TET2: variants seen among roughly 807,000 people sequenced by gnomAD.
TET2 encodes the protein methylcytosine dioxygenase TET2.
A neutral mutation model predicts 142.9 loss-of-function variants in TET2; 299 were observed. The ratio of observed to expected loss-of-function variants is 2.09; its 90% confidence interval spans 1.90 to 2.30. The LOEUF is 2.30. TET2 is among the 30% of genes most tolerant of loss of function. The pLI, the probability that TET2 is intolerant of heterozygous loss-of-function variation, is 0.00. For synonymous variants in TET2, 819 were observed against 849.0 expected, an observed-to-expected ratio of 0.96 and a Z score of 0.61; for missense variants, 2,418 against 2,378.0, an observed-to-expected ratio of 1.02 and a Z score of -0.35.
intron 8 of TET2, among the ~76,000 whole-genome samples, chr4:105,266,811 CAG>C (rs1730701212): frequency 2.0e-5 from 3 of 151,620 alleles, no homozygotes; most frequent in Admixed American, 6.6e-5. Flanking sequence ...AGGTGGGAGA[CAG>C]AAAAATATTT....
At chr4:105,255,288 A>ATT (rs2110276904) in intron 6 of TET2, among the ~76,000 whole-genome samples, 1 of 152,254 alleles carries the variant, frequency 6.6e-6, no homozygotes, top group South Asian at 2.1e-4. Flanking sequence ...ATAGGAGTAT[A>ATT]TTTTTACCTA....
intron 1 of TET2, among the ~76,000 whole-genome samples, chr4:105,189,200 TA>T (rs1331894730): frequency 6.6e-6 from 1 of 150,680 alleles, no homozygotes; most frequent in East Asian, 1.9e-4. Flanking sequence ...ATAATGATGA[TA>T]ATGATAATAA....
At chr4:105,221,987 A>G (rs947600008) in intron 2 of TET2, among the ~76,000 whole-genome samples, 59 of 147,270 alleles carry the variant, frequency 4.0e-4, no homozygotes, top group Non-Finnish European at 8.0e-4. Context: ...TTCTTGTGAT[A>G]GTTTACTGAG....
chr4:105,159,253 T>TTC (rs1476261586), intron 1 of TET2, among the ~76,000 whole-genome samples: 1 of 144,122 alleles, frequency 6.9e-6, no homozygotes, highest in Non-Finnish European at 1.5e-5. Flanking sequence ...CTTTCTTTCT[T>TTC]TTTTTTTTTT....
intron 1 of TET2, among the ~76,000 whole-genome samples, chr4:105,159,065 A>G (rs1723704929): frequency 6.6e-6 from 1 of 151,948 alleles, no homozygotes; most frequent in Non-Finnish European, 1.5e-5. Flanking sequence ...GTAAGCTTTG[A>G]GTGTCTGTGG....
chr4:105,279,379 C>T lies in TET2; in HGVS notation c.*2860C>T, dbSNP rs757169324. The T allele has an allele frequency of 9.9e-5, 23 of 231,878 alleles. No individual in the cohort carries two copies. The highest frequency in any genetic ancestry group is 1.7e-4 in the Non-Finnish European group (20 of 117,486). 14.4% of individuals were successfully genotyped at this position (231,878 alleles called of 1,614,324 possible). On this transcript the variant is annotated 3_prime_UTR_variant, in exon 11 of 11. Transcript: ENST00000380013. The stretch of plus-strand genomic sequence containing the variant: ...CTATAATTGTAAATATAAAACCTGC[C>T]TCAGTTAGAATGAATGGAAAGCAGA...
At chr4:105,211,991 C>T (rs777504913) in intron 2 of TET2, among the ~76,000 whole-genome samples, 2 of 152,176 alleles carry the variant, frequency 1.3e-5, no homozygotes, top group Non-Finnish European at 2.9e-5. Context: ...CTCATATTCA[C>T]CCTGCATATA....
At chr4:105,186,220 A>G (rs75649392) in intron 1 of TET2, among the ~76,000 whole-genome samples, 1 of 152,168 alleles carries the variant, frequency 6.6e-6, no homozygotes, top group Non-Finnish European at 1.5e-5. Context: ...ACAGAGCAAG[A>G]CCCTGTCTCA....
At chr4:105,218,107 A>AT (rs1408622635) in intron 2 of TET2, among the ~76,000 whole-genome samples, 5 of 152,056 alleles carry the variant, frequency 3.3e-5, no homozygotes, top group African/African-American at 1.2e-4. Flanking sequence ...TCAAAATATT[A>AT]TTTATGTCCA....
In TET2 at chr4:105,278,053, T is replaced by C; in HGVS notation, c.*1534T>C. The C allele has an allele frequency of 4.8e-6, 1 of 206,952 alleles. No homozygotes were observed. Among genetic ancestry groups the C allele is most frequent in the Non-Finnish European group, 9.8e-6 (1 of 101,584 alleles). 12.8% of individuals were successfully genotyped at this position (206,952 alleles called of 1,614,324 possible). The stretch of plus-strand genomic sequence containing the variant: ...CAGGCAGCTGGTTTGCTGTGGTGGT[T>C]TTAAATCATTAATTTGTATAAAGAA... On this transcript the variant is annotated 3_prime_UTR_variant, in exon 11 of 11. Transcript: ENST00000380013.
intron 1 of TET2, chr4:105,178,100 A>C (rs1270037644): frequency 6.6e-6 from 1 of 152,068 alleles, no homozygotes; most frequent in African/African-American, 2.4e-5. Context: ...AAAAAAAAGC[A>C]AAAACAAAAA....
chr4:105,193,000 C>T (rs190557818), intron 2 of TET2, among the ~76,000 whole-genome samples: 1 of 152,220 alleles, frequency 6.6e-6, no homozygotes, highest in East Asian at 1.9e-4. Flanking sequence ...AGGTTTTATG[C>T]AGAGTGATTT....
intron 9 of TET2, among the ~76,000 whole-genome samples, chr4:105,270,276 G>A (rs1440159732): frequency 2.6e-5 from 4 of 152,194 alleles, no homozygotes; most frequent in Non-Finnish European, 5.9e-5. Context: ...GGCATAACTA[G>A]CACTCTCATG....
chr4:105,185,119 G>A (rs555180380), intron 1 of TET2, among the ~76,000 whole-genome samples: 12 of 152,232 alleles, frequency 7.9e-5, no homozygotes, highest in Admixed American at 7.8e-4. Flanking sequence ...TGCCTAGCTT[G>A]TAATGATATA....
intron 4 of TET2, chr4:105,241,655 G>A (rs1007170885): frequency 2.3e-6 from 3 of 1,279,334 alleles, no homozygotes; most frequent in African/African-American, 3.1e-5. Flanking sequence ...CCCACTTTGC[G>A]ATGGATGCCA....
chr4:105,276,346 G>A lies in TET2; in HGVS notation c.5836G>A (p.Gly1946Ser), dbSNP rs1731222974. ...AGACTATGTGCCTCAGAAATCCCATGGCAAAAAAGTGAAACGGGAGCCTGC... is the reference window on the plus strand; with the variant it reads ...AGACTATGTGCCTCAGAAATCCCATAGCAAAAAAGTGAAACGGGAGCCTGC... ...GPDYVPQKSH[G>S]KKVKREPAEP... The change falls in exon 11 of 11, where the codon GGC becomes AGC. Residue 1946 changes from glycine to serine, a missense_variant. By Grantham distance (56) the Gly-to-Ser change is moderately conservative. Coordinates refer to ENST00000380013, the MANE Select transcript of TET2 (RefSeq NM_001127208.3). 2.6e-6 allele frequency: 4 copies of A among 1,551,584 alleles called. No individual in the cohort carries two copies. The highest frequency in any genetic ancestry group is 3.5e-6 in the Non-Finnish European group (4 of 1,146,980).
chr4:105,191,428 G>T (rs986759727), intron 2 of TET2, among the ~76,000 whole-genome samples: 5 of 152,026 alleles, frequency 3.3e-5, no homozygotes, highest in African/African-American at 1.2e-4. Context: ...ATATAATTTT[G>T]CCTGAACTAT....
At position 105,234,553 on chromosome 4, in the gene TET2, C is replaced by T; in HGVS notation, c.611C>T (p.Ala204Val). ...AACATTGTATTACTTAAAAACAAGG[C>T]AGTGCTAATGCCTAATGGTGCTACA... ...DKNIVLLKNK[A>V]VLMPNGATVS... Residue 204 changes from alanine (A) to valine (V), a missense_variant, in exon 3 of 11, where the codon GCA becomes GTA. By Grantham distance (64) the Ala-to-Val change is moderately conservative (BLOSUM62 0). Transcript: ENST00000380013. The T allele has an allele frequency of 6.2e-7, 1 of 1,614,158 alleles. No individual in the cohort carries two copies. The highest frequency in any genetic ancestry group is 1.1e-5 in the South Asian group (1 of 91,088).
chr4:105,207,888 A>G (rs1726921966), intron 2 of TET2, among the ~76,000 whole-genome samples: 1 of 152,178 alleles, frequency 6.6e-6, no homozygotes, highest in African/African-American at 2.4e-5. Flanking sequence ...TTCTTAAGTA[A>G]CTGGGGGGAT....
Sources: allele counts gnomAD v4.1 joint callset (sites outside exome capture counted in the v4.1 genomes callset), GRCh38; gene constraint gnomAD v4.1.1; transcripts MANE v1.5; gene names NCBI Gene and HGNC (gene_info 2026-07-23, HGNC 2026-07-21).